The following GALNT2 variants were observed in gnomAD, a reference collection of about 807,000 sequenced individuals.
The protein encoded by GALNT2 is polypeptide N-acetylgalactosaminyltransferase 2, also known as UDP-GalNAc:polypeptide N-acetylgalactosaminyltransferase 2.
GALNT2 carries 31 observed loss-of-function variants against 81.4 expected under a neutral mutation model. That is an observed-to-expected ratio of 0.38 (90% CI 0.29 to 0.51). The LOEUF (loss-of-function observed/expected upper bound fraction) is 0.51, where lower values mean the gene tolerates loss of function less well. GALNT2 is among the 20% of genes least tolerant of loss of function. The pLI is 0.87. For synonymous variants in GALNT2, 303 were observed against 287.4 expected (o/e 1.05, Z -0.55); for missense variants, 629 against 765.7 (o/e 0.82, Z 2.11).
chr1:230,123,898 G>A (rs1015002267), intron 1 of GALNT2, among the ~76,000 whole-genome samples: 3 of 152,128 alleles, frequency 2.0e-5, no homozygotes, highest in African/African-American at 4.8e-5. Flanking sequence ...CCAAACCCCC[G>A]AACCACACTG....
At chr1:230,176,520 C>T (rs947728841) in intron 1 of GALNT2, among the ~76,000 whole-genome samples, 1 of 152,180 alleles carries the variant, frequency 6.6e-6, no homozygotes, top group African/African-American at 2.4e-5. Flanking sequence ...CACAATGCTA[C>T]AATCAAGCCT....
intron 11 of GALNT2, among the ~76,000 whole-genome samples, chr1:230,256,294 A>C (rs974680408): frequency 6.6e-6 from 1 of 152,164 alleles, no homozygotes; most frequent in African/African-American, 2.4e-5. Flanking sequence ...AAAAATACAA[A>C]AATTAACCGG....
chr1:230,093,305 A>G (rs1264247643), intron 1 of GALNT2, among the ~76,000 whole-genome samples: 2 of 151,864 alleles, frequency 1.3e-5, no homozygotes, highest in Non-Finnish European at 2.9e-5. Context: ...GAACATGATA[A>G]TAGTGTCCGT....
chr1:230,198,076 A>T (rs907192459), intron 2 of GALNT2, among the ~76,000 whole-genome samples: 1 of 152,238 alleles, frequency 6.6e-6, no homozygotes, highest in Non-Finnish European at 1.5e-5. Context: ...ATGTGTAAGA[A>T]CTAACACGAA....
intron 1 of GALNT2, among the ~76,000 whole-genome samples, chr1:230,113,694 C>A (rs539987694): frequency 3.3e-5 from 5 of 152,044 alleles, no homozygotes; most frequent in Non-Finnish European, 1.5e-5. Context: ...AGACAGCGTG[C>A]GGGATTTCAG....
intron 1 of GALNT2, among the ~76,000 whole-genome samples, chr1:230,120,041 A>C (rs551068243): frequency 2.6e-5 from 4 of 151,194 alleles, no homozygotes; most frequent in East Asian, 4.0e-4. Flanking sequence ...GCGGTTCGCT[A>C]TTGGGCTCAG....
At chr1:230,119,389 G>A (rs985975954) in intron 1 of GALNT2, among the ~76,000 whole-genome samples, 7 of 152,150 alleles carry the variant, frequency 4.6e-5, no homozygotes, top group Non-Finnish European at 1.0e-4. Context: ...GAAGTCGGGT[G>A]TAGAGCCTTG....
intron 14 of GALNT2, among the ~76,000 whole-genome samples, chr1:230,273,329 G>T (rs1666201443): frequency 6.6e-6 from 1 of 152,222 alleles, no homozygotes; most frequent in Non-Finnish European, 1.5e-5. Context: ...ATACAGGTGT[G>T]CAGCAGGTGG....
chr1:230,157,126 A>G (rs894817131), intron 1 of GALNT2, among the ~76,000 whole-genome samples: 1 of 152,192 alleles, frequency 6.6e-6, no homozygotes, highest in African/African-American at 2.4e-5. Context: ...CTTGGTTCAG[A>G]TGCCACTTCA....
rs565684170 is a variant in GALNT2, at chr1:230,141,478, A to G, written c.127-36740A>G. On this transcript the variant is annotated intron_variant, in intron 1 of 15. Transcript: ENST00000366672. Reference sequence around the variant, plus strand: ...CCCTCCCCTCCCCCTGGCAACCACCATTCTACTTTCTGTCTTCATGAATTT... The same window carrying G: ...CCCTCCCCTCCCCCTGGCAACCACCGTTCTACTTTCTGTCTTCATGAATTT... Among the ~76,000 whole-genome samples, 29 of 152,146 alleles carry G rather than the reference A, an allele frequency of 1.9e-4. No homozygotes were observed. The South Asian group carries it at 5.6e-3, about 29-fold the overall frequency.
chr1:230,202,761 T>C (rs1055232364), intron 2 of GALNT2, among the ~76,000 whole-genome samples: 3 of 152,224 alleles, frequency 2.0e-5, no homozygotes, highest in African/African-American at 4.8e-5. Flanking sequence ...CATGATCTTC[T>C]TCACCCTACC....
chr1:230,185,269 C>CGTGTGT (rs769283797), intron 2 of GALNT2, among the ~76,000 whole-genome samples: 6 of 125,146 alleles, frequency 4.8e-5, no homozygotes, highest in East Asian at 4.2e-4. Flanking sequence ...ACTGTGCGTG[C>CGTGTGT]GTGCGTGTGT....
chr1:230,216,083 A>G (rs6703306), intron 3 of GALNT2, among the ~76,000 whole-genome samples: 11,333 of 152,208 alleles, frequency 0.074, 862 homozygotes, highest in African/African-American at 0.18. Context: ...AAGAAATTAG[A>G]CCAGGAAAAA....
chr1:230,235,442 C>T (rs892006919), intron 3 of GALNT2, among the ~76,000 whole-genome samples: 1 of 152,148 alleles, frequency 6.6e-6, no homozygotes, highest in Non-Finnish European at 1.5e-5. Context: ...TCCATCTCCC[C>T]ATCTTCATCT....
chr1:230,062,676 T>A (rs1320840238), upstream of GALNT2, among the ~76,000 whole-genome samples: 2 of 152,226 alleles, frequency 1.3e-5, no homozygotes, highest in Non-Finnish European at 2.9e-5. Flanking sequence ...CATGTTCTGG[T>A]ATGTGTTAGA....
At chr1:230,178,052 A>G (rs1248361182) in intron 1 of GALNT2, among the ~76,000 whole-genome samples, 166 bp from the exon 2 acceptor site, 1 of 152,128 alleles carries the variant, frequency 6.6e-6, no homozygotes, top group Non-Finnish European at 1.5e-5. Flanking sequence ...TTGACTCCCT[A>G]ACAATTTCTG....
chr1:230,086,918 C>G (rs1258065786), intron 1 of GALNT2, among the ~76,000 whole-genome samples: 1 of 152,202 alleles, frequency 6.6e-6, no homozygotes, highest in African/African-American at 2.4e-5. Context: ...AAGTACCTTT[C>G]TATGTCTCTG....
chr1:230,263,055 G>T, intron 13 of GALNT2, 50 bp downstream of exon 13: 1 of 1,473,874 alleles, frequency 6.8e-7, no homozygotes. Context: ...TTAGAAGCCA[G>T]TAAGGCCATA....
chr1:230,064,032 T>A (rs970534862), upstream of GALNT2, among the ~76,000 whole-genome samples: 13 of 152,214 alleles, frequency 8.5e-5, no homozygotes, highest in Admixed American at 6.5e-4. Flanking sequence ...TTTAGAACTT[T>A]TGGGGTTTTG....
Sources: allele counts gnomAD v4.1 joint callset (sites outside exome capture counted in the v4.1 genomes callset), GRCh38; gene constraint gnomAD v4.1.1; transcripts MANE v1.5; gene names NCBI Gene and HGNC (gene_info 2026-07-23, HGNC 2026-07-21).